TRUB2: variants seen among roughly 807,000 people sequenced by gnomAD.
The protein encoded by TRUB2 is TruB pseudouridine synthase family member 2, also known as pseudouridylate synthase TRUB2, mitochondrial.
TRUB2 carries 31 observed loss-of-function variants against 31.9 expected under a neutral mutation model. That is an observed-to-expected ratio of 0.97 (90% CI 0.73 to 1.31). TRUB2 has a LOEUF of 1.31. Among genes scored for constraint, TRUB2 ranks in the 50% most tolerant of loss-of-function variants. TRUB2 has a pLI of 0.00. For synonymous variants in TRUB2, 201 were observed against 182.6 expected (o/e 1.10, Z -0.81); for missense variants, 451 against 439.6 (o/e 1.03, Z -0.23).
rs1320628961 is a variant in TRUB2, at chr9:128,306,960, T to C, written c.*2590A>G. The C allele has an allele frequency of 6.6e-6, 1 of 151,894 alleles. No individual in the cohort carries two copies. Among genetic ancestry groups the C allele is most frequent in the African/African-American group, 2.4e-5 (1 of 41,402 alleles). The allele number at this position is 151,894 out of a possible 1,614,324, so 9.4% of individuals were successfully genotyped here. A position where few individuals can be genotyped will look rare whatever the true frequency, so the allele number is the denominator to read the frequency against. On this transcript the variant is annotated 3_prime_UTR_variant, in exon 8 of 8. Coordinates refer to ENST00000372890, the MANE Select transcript of TRUB2 (RefSeq NM_015679.3). Reference sequence around the variant, plus strand: ...TATGTTGGCCAGGCTGGTCTTGAACTCCTGATCTCAGGTGGGCCAGGTATG... The same window carrying C: ...TATGTTGGCCAGGCTGGTCTTGAACCCCTGATCTCAGGTGGGCCAGGTATG...
Position 128,322,446 on chromosome 9 carries a change from G to C in TRUB2, c.-38C>G. ...CAGCACCCGCTGGACCTGGACGGAA[G>C]TACCGCCAGGCCCCGCCCCCAAATG... is the stretch of plus-strand genomic sequence containing the variant. On this transcript the variant is annotated 5_prime_UTR_variant, in exon 1 of 8. Transcript: ENST00000372890. 1 of 1,594,832 alleles carries C rather than the reference G, an allele frequency of 6.3e-7. No homozygotes were observed. The highest frequency in any genetic ancestry group is 1.3e-5 in the African/African-American group (1 of 74,678).
In TRUB2 at chr9:128,313,836, G is replaced by T; in HGVS notation, c.432C>A (p.Asp144Glu). Residue 144 changes from aspartate to glutamate, a missense_variant, in exon 5 of 8, where the codon GAC (aspartate) becomes GAA (glutamate). Coordinates refer to ENST00000372890, the MANE Select transcript of TRUB2 (RefSeq NM_015679.3). ...LGKATDDFRE[D>E]GRLVEKTTYD... ...AGGTTGTCTTCTCTACCAGCCTCCC[G>T]TCCTCACGGAAGTCATCTGTAGCTT... is the stretch of plus-strand genomic sequence containing the variant. The T allele has an allele frequency of 1.9e-6, 3 of 1,614,212 alleles. No individual in the cohort carries two copies. Among genetic ancestry groups the T allele is most frequent in the Non-Finnish European group, 2.5e-6 (3 of 1,180,026 alleles).
intron 2 of TRUB2, among the ~76,000 whole-genome samples, chr9:128,318,511 T>TTG (rs945153191): frequency 6.6e-6 from 1 of 151,792 alleles, no homozygotes; most frequent in Non-Finnish European, 1.5e-5. Flanking sequence ...TGTTTTTTTT[T>TTG]TGTGTGTGTG....
chr9:128,317,715 T>C (rs913678491), intron 2 of TRUB2, among the ~76,000 whole-genome samples: 1 of 152,192 alleles, frequency 6.6e-6, no homozygotes, highest in Admixed American at 6.5e-5. Context: ...TAAGGGCCTA[T>C]TGAATCCAGG....
chr9:128,312,607 TTATTA>T (rs1046122746), intron 5 of TRUB2, among the ~76,000 whole-genome samples: 2 of 148,014 alleles, frequency 1.4e-5, no homozygotes, highest in African/African-American at 2.5e-5. Context: ...ATTTTTTGTA[TTATTA>T]TTATTTTTTT....
At chr9:128,315,870 G>C (rs1397125322) in intron 3 of TRUB2, 2 of 532,512 alleles carry the variant, frequency 3.8e-6, no homozygotes, top group African/African-American at 3.8e-5. Flanking sequence ...TAGGATCCCT[G>C]CCAAGCTCTC....
chr9:128,315,366 GCA>G (rs1245432911), intron 4 of TRUB2, among the ~76,000 whole-genome samples, 199 bp downstream of exon 4: 1 of 152,186 alleles, frequency 6.6e-6, no homozygotes, highest in Admixed American at 6.6e-5. Context: ...ACAGTGCTCA[GCA>G]CAGAGTAGTC....
chr9:128,318,603 A>G (rs1443624956), intron 2 of TRUB2, among the ~76,000 whole-genome samples: 1 of 150,926 alleles, frequency 6.6e-6, no homozygotes, highest in African/African-American at 2.4e-5. Flanking sequence ...CGCCATCTCA[A>G]CTCACTGCAA....
At position 128,317,152 on chromosome 9, in the gene TRUB2, C is replaced by G; in HGVS notation, c.316G>C (p.Val106Leu). The G allele has an allele frequency of 1.3e-6, 2 of 1,576,682 alleles. No individual in the cohort carries two copies. The highest frequency in any genetic ancestry group is 1.7e-6 in the Non-Finnish European group (2 of 1,159,076). Reference protein sequence around the residue: ...RLDAQASGVLVLGVGHGCRLL... With the variant: ...RLDAQASGVLLLGVGHGCRLL... The stretch of plus-strand genomic sequence containing the variant: ...CCCCCAGGCTTCTCACATCACCTAC[C>G]AAGTACTCCAGAAGCCTGGGCATCC... The change falls in exon 3 of 8, where the codon GTG (valine) becomes CTG (leucine). Residue 106 changes from valine (V) to leucine (L), a missense_variant and splice_region_variant. Transcript: ENST00000372890.
At chr9:128,315,545 G>A in intron 4 of TRUB2, 22 bp downstream of exon 4, 1 of 1,611,124 alleles carries the variant, frequency 6.2e-7, no homozygotes, top group Non-Finnish European at 8.5e-7. Flanking sequence ...GGGAGAAGCA[G>A]GCTGTCCCCA....
intron 2 of TRUB2, among the ~76,000 whole-genome samples, chr9:128,319,083 T>C (rs952459542): frequency 4.6e-5 from 7 of 151,506 alleles, no homozygotes; most frequent in African/African-American, 1.2e-4. Flanking sequence ...TCCCAGCACT[T>C]TGGGAGGCCG....
intron 3 of TRUB2, chr9:128,315,877 T>C (rs1832060055): frequency 9.6e-6 from 5 of 523,050 alleles, no homozygotes; most frequent in Admixed American, 3.1e-5. Context: ...CCTGCCAAGC[T>C]CTCCACAGGA....
chr9:128,309,558 C>T lies in TRUB2; in HGVS notation c.988G>A (p.Gly330Arg). 1 of 1,609,902 alleles carries T rather than the reference C, an allele frequency of 6.2e-7. No individual in the cohort carries two copies. Among genetic ancestry groups the T allele is most frequent in the Non-Finnish European group, 8.5e-7 (1 of 1,177,054 alleles). The change falls in exon 8 of 8, where the codon GGG becomes AGG. Residue 330 changes from glycine (G) to arginine (R), a missense_variant. By Grantham distance (125) the Gly-to-Arg change is moderately radical. Coordinates refer to ENST00000372890, the MANE Select transcript of TRUB2 (RefSeq NM_015679.3). ...AGGAGCTGCCTGGGCATTCACTGCC[C>T]CGCACCCCTCTCCAGCCCCAAGGTA... ...SSTLGLERGA[G>R]Q
At position 128,312,622 on chromosome 9, in the gene TRUB2, T is replaced by A. The variant is rs1319798438; in HGVS notation, c.461-1021A>T. Among the ~76,000 whole-genome samples, 584 of 148,552 alleles carry A rather than the reference T, an allele frequency of 3.9e-3. 2 individuals carry two copies. The highest frequency in any genetic ancestry group is 0.013 in the African/African-American group (526 of 40,852). On this transcript the variant is annotated intron_variant, in intron 5 of 7. Transcript: ENST00000372890. ...ATTTTTTGTATTATTATTATTTTTT[T>A]TTTTTTTTTTTGAGACGGAGTCTCG... is the stretch of plus-strand genomic sequence containing the variant.
intron 7 of TRUB2, among the ~76,000 whole-genome samples, chr9:128,310,630 G>C (rs1279026595): frequency 6.6e-6 from 1 of 152,046 alleles, no homozygotes; most frequent in Non-Finnish European, 1.5e-5. Flanking sequence ...TATAACCTTT[G>C]CTTGGTAAGG....
intron 3 of TRUB2, 173 bp downstream of exon 3, chr9:128,316,979 T>C (rs1179522638): frequency 1.7e-6 from 1 of 591,538 alleles, no homozygotes; most frequent in African/African-American, 1.9e-5. Context: ...AACCTGTGAT[T>C]ACCTCCGTCC....
intron 2 of TRUB2, 140 bp downstream of exon 2, chr9:128,321,459 T>C: frequency 6.9e-7 from 1 of 1,441,846 alleles, no homozygotes; most frequent in Non-Finnish European, 9.4e-7. Context: ...TCCAAGGAAA[T>C]CTGCCAATTC....
intron 5 of TRUB2, 78 bp from the exon 6 acceptor site, chr9:128,311,679 G>A: frequency 1.3e-6 from 2 of 1,485,380 alleles, no homozygotes; most frequent in Admixed American, 1.8e-5. Context: ...CCCCAGGCCA[G>A]CCCCATCCCT....
At chr9:128,317,277 A>G in intron 2 of TRUB2, 51 bp from the exon 3 acceptor site, 1 of 1,522,748 alleles carries the variant, frequency 6.6e-7, no homozygotes, top group Non-Finnish European at 8.9e-7. Flanking sequence ...CCACCCCAGG[A>G]TGGCTTTGGG....
Sources: allele counts gnomAD v4.1 joint callset (sites outside exome capture counted in the v4.1 genomes callset), GRCh38; gene constraint gnomAD v4.1.1; transcripts MANE v1.5; gene names NCBI Gene and HGNC (gene_info 2026-07-23, HGNC 2026-07-21).